The following CDH23 variants were observed in gnomAD, a reference collection of about 807,000 sequenced individuals.
CDH23 encodes the protein cadherin related 23, also known as cadherin-23.
CDH23 carries 189 observed loss-of-function variants against 317.1 expected under a neutral mutation model. The ratio of observed to expected loss-of-function variants is 0.60; its 90% CI spans 0.53 to 0.67. CDH23 has a LOEUF of 0.67. CDH23 is among the 30% of genes least tolerant of loss of function. The pLI, the probability that CDH23 is intolerant of heterozygous loss-of-function variation, is 0.00. For synonymous variants in CDH23, 1,839 were observed against 1,876.8 expected, an observed-to-expected ratio of 0.98 and a Z score of 0.52; for missense variants, 4,401 against 4,592.4, an observed-to-expected ratio of 0.96 and a Z score of 1.20.
rs768399245 is a variant in CDH23 at position 71,690,505 on chromosome 10, C to T, written c.2097C>T (p.Asp699=). ...TGTTCCTGAATGCCACAGACCTGGA[C>T]CGCTCCCGGGAGTACGGCCAGGAGT... ...TVLFLNATDL[D]RSREYGQESI... The change falls in exon 20 of 70, where the codon GAC becomes GAT. Residue 699 remains aspartate, a synonymous_variant. Coordinates refer to ENST00000224721, the MANE Select transcript of CDH23 (RefSeq NM_022124.6). 1 of 1,610,940 alleles carries T rather than the reference C, an allele frequency of 6.2e-7. No homozygotes were observed. Among genetic ancestry groups the T allele is most frequent in the African/African-American group, 1.3e-5 (1 of 74,848 alleles).
chr10:71,698,624 G>A (rs1865477171), intron 22 of CDH23, among the ~76,000 whole-genome samples: 1 of 151,904 alleles, frequency 6.6e-6, no homozygotes, highest in South Asian at 2.1e-4. Flanking sequence ...CTTTGCACGA[G>A]CCCTTTCCTC....
At chr10:71,667,359 A>AGAGTGTGT (rs58361666) in intron 14 of CDH23, among the ~76,000 whole-genome samples, 87 of 112,110 alleles carry the variant, frequency 7.8e-4, no homozygotes, top group African/African-American at 3.0e-3. Context: ...AGAGAGAGAG[A>AGAGTGTGT]GTGTGTGTGT....
rs1841595741 is a variant in CDH23, at chr10:71,802,868, TACCTTTGGCCTTG to T, written c.7483-25_7483-13del. 6.2e-7 allele frequency: 1 copy of T among 1,613,284 alleles called. No homozygotes were observed. Among genetic ancestry groups the T allele is most frequent in the African/African-American group, 1.3e-5 (1 of 74,928 alleles). ...GCTGAGGCTGCCCCATCCTGCTCCT[TACCTTTGGCCTTG>T]ACCTCCATCCACCCAGGTGGTGATC... On this transcript the variant is annotated splice_polypyrimidine_tract_variant and intron_variant, in intron 53 of 69. Coordinates refer to ENST00000224721, the MANE Select transcript of CDH23 (RefSeq NM_022124.6).
At chr10:71,468,923 C>T (rs1032271526) in intron 3 of CDH23, among the ~76,000 whole-genome samples, 1 of 152,134 alleles carries the variant, frequency 6.6e-6, no homozygotes, top group African/African-American at 2.4e-5. Flanking sequence ...TGACTGCCCT[C>T]AGGCTGGCTC....
At chr10:71,431,159 A>G (rs928382395) in intron 1 of CDH23, among the ~76,000 whole-genome samples, 7 of 152,212 alleles carry the variant, frequency 4.6e-5, no homozygotes, top group African/African-American at 1.7e-4. Context: ...ACGTCCGTAC[A>G]CTGCTCCCCA....
intron 3 of CDH23, among the ~76,000 whole-genome samples, chr10:71,470,559 G>A (rs915579217): frequency 6.6e-6 from 1 of 150,596 alleles, no homozygotes; most frequent in African/African-American, 2.4e-5. Context: ...GCACCATCAC[G>A]GCCCACTTCA....
At chr10:71,411,773 TTTTCTTC>T (rs1848354393) in intron 1 of CDH23, among the ~76,000 whole-genome samples, 1 of 152,196 alleles carries the variant, frequency 6.6e-6, no homozygotes, top group Admixed American at 6.5e-5. Flanking sequence ...ATTAGGAAAG[TTTTCTTC>T]TAATTTTTTC....
chr10:71,496,047 T>G (rs1268970239), intron 3 of CDH23, among the ~76,000 whole-genome samples: 1 of 152,188 alleles, frequency 6.6e-6, no homozygotes, highest in Non-Finnish European at 1.5e-5. Context: ...TGATGCACAC[T>G]CAAGTTTGAG....
intron 11 of CDH23, among the ~76,000 whole-genome samples, chr10:71,622,539 G>T (rs969314442): frequency 1.3e-5 from 2 of 152,126 alleles, no homozygotes; most frequent in Non-Finnish European, 2.9e-5. Flanking sequence ...AGGGTGGCTC[G>T]GAGACCATCC....
chr10:71,639,372 G>A (rs1342162293), intron 11 of CDH23, among the ~76,000 whole-genome samples: 1 of 152,236 alleles, frequency 6.6e-6, no homozygotes, highest in Non-Finnish European at 1.5e-5. Context: ...GCAGGGAGGA[G>A]GCCTAGCAGG....
chr10:71,480,061 C>T (rs983498537), intron 3 of CDH23, among the ~76,000 whole-genome samples: 4 of 103,264 alleles, frequency 3.9e-5, no homozygotes, highest in East Asian at 4.3e-4. Context: ...TAGAATCCAC[C>T]GTGGCACAGG....
chr10:71,456,682 T>C (rs925157492), intron 3 of CDH23, among the ~76,000 whole-genome samples: 2 of 152,196 alleles, frequency 1.3e-5, no homozygotes, highest in African/African-American at 4.8e-5. Flanking sequence ...ACATGCACAT[T>C]AGAGATAACT....
At chr10:71,568,110 C>T (rs944827424) in intron 7 of CDH23, among the ~76,000 whole-genome samples, 2 of 152,186 alleles carry the variant, frequency 1.3e-5, no homozygotes, top group Admixed American at 6.5e-5. Flanking sequence ...CCAGGAAATG[C>T]GAACTTCTTG....
chr10:71,667,750 G>T (rs1018932723), intron 14 of CDH23, among the ~76,000 whole-genome samples: 1 of 152,144 alleles, frequency 6.6e-6, no homozygotes, highest in Non-Finnish European at 1.5e-5. Flanking sequence ...GGGGTTCTCA[G>T]GAAGGGGACA....
intron 1 of CDH23, among the ~76,000 whole-genome samples, chr10:71,404,095 A>T (rs148685635): frequency 3.3e-4 from 51 of 152,326 alleles, no homozygotes; most frequent in East Asian, 9.7e-4. Flanking sequence ...CTGTCTCAAA[A>T]AAATAAATAA....
At chr10:71,804,689 CAG>C (rs1300152316) in intron 55 of CDH23, among the ~76,000 whole-genome samples, 1 of 152,228 alleles carries the variant, frequency 6.6e-6, no homozygotes, top group African/African-American at 2.4e-5. Context: ...TTTGCTCTTT[CAG>C]AGTGATCAGG....
chr10:71,691,651 A>G (rs1469054462), intron 20 of CDH23, among the ~76,000 whole-genome samples: 2 of 152,164 alleles, frequency 1.3e-5, no homozygotes, highest in Non-Finnish European at 2.9e-5. Context: ...AGAAGGGAAA[A>G]GAGAGCATGG....
Position 71,785,758 on chromosome 10 carries a change from G to A in CDH23, c.5820+20G>A. On this transcript the variant is annotated intron_variant, in intron 44 of 69. Transcript: ENST00000224721. ...AGGAGGGTGAGACTGGAGGGCACTG[G>A]TGGGAGTGGGCTGGGAGCTAGAGGC... 1 of 1,468,706 alleles carries A rather than the reference G, an allele frequency of 6.8e-7. No homozygotes were observed. The highest frequency in any genetic ancestry group is 9.4e-7 in the Non-Finnish European group (1 of 1,059,330). The allele number at this position is 1,468,706 out of a possible 1,614,324, so 91.0% of individuals were successfully genotyped here. A position where few individuals can be genotyped will look rare whatever the true frequency, so the allele number is the denominator to read the frequency against.
At chr10:71,600,540 C>T (rs1021350544) in intron 9 of CDH23, among the ~76,000 whole-genome samples, 2 of 129,822 alleles carry the variant, frequency 1.5e-5, no homozygotes, top group Non-Finnish European at 3.2e-5. Flanking sequence ...TTTTTTGAGA[C>T]GGAGTGTCAC....
Sources: allele counts gnomAD v4.1 joint callset (sites outside exome capture counted in the v4.1 genomes callset), GRCh38; gene constraint gnomAD v4.1.1; transcripts MANE v1.5; gene names NCBI Gene and HGNC (gene_info 2026-07-23, HGNC 2026-07-21).